CPNE2: variants seen among roughly 807,000 people sequenced by gnomAD.
The protein encoded by CPNE2 is copine-2.
A neutral mutation model predicts 69.7 loss-of-function variants in CPNE2; 42 were observed. The observed-to-expected ratio is 0.60, with a 90% CI of 0.47 to 0.78. The LOEUF is 0.78. Ranked by LOEUF, CPNE2 falls within the 30% of genes least tolerant of loss-of-function variation. CPNE2 has a pLI of 0.00. For synonymous variants in CPNE2, 294 were observed against 289.8 expected (o/e 1.01, Z -0.15); for missense variants, 587 against 732.0 (o/e 0.80, Z 2.29).
At chr16:57,108,854 G>A (rs1408833859) in intron 1 of CPNE2, among the ~76,000 whole-genome samples, 1 of 152,222 alleles carries the variant, frequency 6.6e-6, no homozygotes, top group African/African-American at 2.4e-5. Flanking sequence ...TTGGGAAATT[G>A]TATATGAGTG....
intron 8 of CPNE2, 142 bp from the exon 9 acceptor site, chr16:57,121,532 G>T: frequency 1.3e-6 from 1 of 782,270 alleles, no homozygotes; most frequent in Non-Finnish European, 2.2e-6. Context: ...ACCATTTTTG[G>T]GTGTGGACAT....
chr16:57,103,039 A>G (rs1042611183), intron 1 of CPNE2, among the ~76,000 whole-genome samples: 1 of 152,148 alleles, frequency 6.6e-6, no homozygotes, highest in Non-Finnish European at 1.5e-5. Flanking sequence ...TGGGTTCCTA[A>G]CTAATGCCTG....
intron 1 of CPNE2, chr16:57,093,974 C>T (rs527256453): frequency 2.4e-5 from 11 of 451,820 alleles, no homozygotes; most frequent in East Asian, 1.4e-4. Flanking sequence ...ACCCTCCCCC[C>T]CTGTGGCCCT....
intron 1 of CPNE2, among the ~76,000 whole-genome samples, chr16:57,095,349 T>G (rs1489329712): frequency 5.9e-5 from 9 of 152,242 alleles, no homozygotes; most frequent in African/African-American, 1.7e-4. Flanking sequence ...GCCTCCTGGC[T>G]CACATCCCAA....
At chr16:57,099,775 ATT>A (rs776284229) in intron 1 of CPNE2, among the ~76,000 whole-genome samples, 1,079 of 101,352 alleles carry the variant, frequency 0.011, 12 homozygotes, top group African/African-American at 0.039. Flanking sequence ...CTAATTTTTG[ATT>A]TTTTTTTTTT....
chr16:57,131,295 C>T (rs1320188360), intron 12 of CPNE2, among the ~76,000 whole-genome samples: 3 of 152,190 alleles, frequency 2.0e-5, no homozygotes, highest in Non-Finnish European at 1.5e-5. Context: ...TTGCTGTTTC[C>T]AGAGTGAATT....
chr16:57,146,231 G>A lies in CPNE2; in HGVS notation c.1449G>A (p.Leu483=). ...CGGACTTCGCTGCCATGGAGTTCCT[G>A]GATGGGGACAGCCGCATGCTGCGCT... The part of the protein sequence containing the change: ...GNADFAAMEF[L]DGDSRMLRSH... The change falls in exon 15 of 16, where the codon CTG becomes CTA. Residue 483 remains leucine, a synonymous_variant. Transcript: ENST00000290776. This position sits in a 1 kb window ranked among gnomAD's most constrained non-coding sequence, Gnocchi z 4.4. 1 of 1,562,908 alleles carries A rather than the reference G, an allele frequency of 6.4e-7. No homozygotes were observed. The highest frequency in any genetic ancestry group is 8.7e-7 in the Non-Finnish European group (1 of 1,152,738).
At position 57,137,291 on chromosome 16, in the gene CPNE2, G is replaced by C. The variant is rs771234259; in HGVS notation, c.1302+9G>C. 6.2e-7 allele frequency: 1 copy of C among 1,613,584 alleles called. No individual in the cohort carries two copies. The highest frequency in any genetic ancestry group is 8.5e-7 in the Non-Finnish European group (1 of 1,179,918). On this transcript the variant is annotated intron_variant, in intron 14 of 15. Coordinates refer to ENST00000290776, the MANE Select transcript of CPNE2 (RefSeq NM_152727.6). ...AACAGCGGACGGCCACGGTGAGTAG[G>C]CAGCTGCAAGCCAGTCATGCCAGGA...
At chr16:57,118,068 A>G (rs2069732916) in intron 5 of CPNE2, among the ~76,000 whole-genome samples, 1 of 151,536 alleles carries the variant, frequency 6.6e-6, no homozygotes, top group Admixed American at 6.6e-5. Context: ...TTGCTCCCAC[A>G]TCACCTCCTC....
chr16:57,093,723 C>T (rs74913848), intron 1 of CPNE2, among the ~76,000 whole-genome samples: 3,632 of 152,130 alleles, frequency 0.024, 131 homozygotes, highest in African/African-American at 0.083. Flanking sequence ...ACAAAACGCC[C>T]TTTTTTTTGT....
At chr16:57,147,400 T>G (rs1279059653) in intron 15 of CPNE2, 151 bp from the exon 16 acceptor site, 1 of 468,186 alleles carries the variant, frequency 2.1e-6, no homozygotes, top group African/African-American at 2.0e-5. Context: ...AGATGAGGGA[T>G]GCCACTTGCA....
At chr16:57,125,382 G>A (rs1456608546) in intron 10 of CPNE2, 1 of 456,124 alleles carries the variant, frequency 2.2e-6, no homozygotes, top group South Asian at 1.5e-5. Context: ...CCCCTTGGTG[G>A]TCTGAGGGAT....
intron 9 of CPNE2, among the ~76,000 whole-genome samples, chr16:57,122,139 G>A (rs951167567): frequency 2.6e-5 from 4 of 152,246 alleles, no homozygotes; most frequent in African/African-American, 4.8e-5. Flanking sequence ...TGGCATCAGC[G>A]TCACTGTGAC....
intron 1 of CPNE2, among the ~76,000 whole-genome samples, chr16:57,099,444 G>C (rs902284649): frequency 6.6e-6 from 1 of 152,112 alleles, no homozygotes; most frequent in Non-Finnish European, 1.5e-5. Flanking sequence ...ACATACGTGA[G>C]TGTTTTCGTT....
chr16:57,147,984 A>G lies in CPNE2; in HGVS notation c.*326A>G. ...AATCATAACTGGCTTTTTCCAAGTAACTAGCTGCAGACTCTGATGAAAGAA... is the reference window on the plus strand; with the variant it reads ...AATCATAACTGGCTTTTTCCAAGTAGCTAGCTGCAGACTCTGATGAAAGAA... On this transcript the variant is annotated 3_prime_UTR_variant, in exon 16 of 16. Transcript: ENST00000290776. 4.5e-6 allele frequency: 1 copy of G among 222,454 alleles called. No individual in the cohort carries two copies. The allele number at this position is 222,454 out of a possible 1,614,324, so 13.8% of individuals were successfully genotyped here.
At chr16:57,143,107 C>T (rs575635377) in intron 14 of CPNE2, 96 of 152,498 alleles carry the variant, frequency 6.3e-4, no homozygotes, top group African/African-American at 2.3e-3. Flanking sequence ...ACCCTCCGTT[C>T]TCTCCATCTA....
intron 12 of CPNE2, 80 bp from the exon 13 acceptor site, chr16:57,134,695 C>T: frequency 2.0e-6 from 3 of 1,517,128 alleles, no homozygotes; most frequent in Non-Finnish European, 1.8e-6. Flanking sequence ...CAAAGGGAGC[C>T]TTGGCCTGGC....
chr16:57,123,813 C>T (rs1457224612), intron 10 of CPNE2: 5 of 386,860 alleles, frequency 1.3e-5, no homozygotes, highest in South Asian at 1.1e-4. Context: ...CTCCTTCCTC[C>T]TTGCTCACTG....
rs376741496 is a variant in CPNE2, at chr16:57,115,549, C to A, written c.434C>A (p.Thr145Lys). The A allele has an allele frequency of 2.5e-6, 4 of 1,609,920 alleles. No homozygotes were observed. The African/African-American group carries it at 5.4e-5, about 22-fold the overall frequency. ...AAGCCTGCGGGGAAGGGCTTGATTA[C>A]GGTACCAGTCCCCTCCCGGCTCTCC... ...NDKPAGKGLITIAAQELSDNR... is the reference protein window; with the variant it reads ...NDKPAGKGLIKIAAQELSDNR... The change falls in exon 4 of 16, where the codon ACG becomes AAG. Residue 145 changes from threonine to lysine, a missense_variant and splice_region_variant. Coordinates refer to ENST00000290776, the MANE Select transcript of CPNE2 (RefSeq NM_152727.6).
Sources: allele counts gnomAD v4.1 joint callset (sites outside exome capture counted in the v4.1 genomes callset), GRCh38; gene constraint gnomAD v4.1.1; non-coding constraint Gnocchi (gnomAD v3.1); transcripts MANE v1.5; gene names NCBI Gene and HGNC (gene_info 2026-07-23, HGNC 2026-07-21).